RBFOX1: variants seen among roughly 807,000 people sequenced by gnomAD.
RBFOX1 encodes RNA binding protein fox-1 homolog 1.
RBFOX1 carries 8 observed loss-of-function variants against 57.7 expected under a neutral mutation model. The ratio of observed to expected loss-of-function variants is 0.14; its 90% CI spans 0.08 to 0.25. The LOEUF (loss-of-function observed/expected upper bound fraction) is 0.25, where lower values mean the gene tolerates loss of function less well. Among genes scored for constraint, RBFOX1 ranks in the 10% least tolerant of loss-of-function variants. The probability of loss-of-function intolerance (pLI) is 1.00; values close to 1 mark genes in which losing one functional copy is unlikely to be tolerated. For missense variants in RBFOX1, 611 were observed against 548.5 expected (o/e 1.11, Z -1.14); for synonymous variants, 326 against 222.4 (o/e 1.47, Z -4.15).
chr16:6,137,606 ATTTTTT>A (rs57190040), intron 1 of RBFOX1, among the ~76,000 whole-genome samples: 74 of 98,352 alleles, frequency 7.5e-4, no homozygotes, highest in Admixed American at 9.1e-4. Flanking sequence ...GCGCCTGGTC[ATTTTTT>A]TTTTTTTTTT....
chr16:6,789,472 TATTTTAGAGAGAAGCAGTC>T (rs1337423706), intron 3 of RBFOX1, among the ~76,000 whole-genome samples: 9 of 152,124 alleles, frequency 5.9e-5, no homozygotes, highest in African/African-American at 1.9e-4. Context: ...GTCAAGTTGG[TATTTTAGAGAGAAGCAGTC>T]ATTTCATTCT....
At chr16:6,377,085 C>G (rs1476268479) in intron 2 of RBFOX1, among the ~76,000 whole-genome samples, 2 of 151,574 alleles carry the variant, frequency 1.3e-5, no homozygotes, top group Admixed American at 6.6e-5. Flanking sequence ...CCAGCCTGGG[C>G]AACATGGAAA....
At chr16:6,243,137 C>CATGTGTGTGT (rs1555572839) in intron 1 of RBFOX1, among the ~76,000 whole-genome samples, 1 of 150,440 alleles carries the variant, frequency 6.6e-6, no homozygotes, top group African/African-American at 2.5e-5. Context: ...GATATTTATA[C>CATGTGTGTGT]GTGTGTCTGT....
chr16:7,318,661 G>A (rs968720647), intron 4 of RBFOX1, among the ~76,000 whole-genome samples: 7 of 152,194 alleles, frequency 4.6e-5, no homozygotes, highest in African/African-American at 1.2e-4. Context: ...TAAAGTGTCA[G>A]TGCAGAATAC....
intron 4 of RBFOX1, among the ~76,000 whole-genome samples, chr16:5,918,453 T>C (rs1364384275): frequency 2.0e-5 from 3 of 152,186 alleles, no homozygotes; most frequent in African/African-American, 7.2e-5. Flanking sequence ...CCGGTGTGTG[T>C]GCAACTTGAC....
At chr16:7,184,696 G>C (rs962085253) in intron 4 of RBFOX1, among the ~76,000 whole-genome samples, 29 of 152,144 alleles carry the variant, frequency 1.9e-4, no homozygotes, top group Non-Finnish European at 4.4e-5. Flanking sequence ...CTGATTATGA[G>C]CTCTTGTGAA....
intron 1 of RBFOX1, among the ~76,000 whole-genome samples, chr16:6,183,770 A>T (rs2097085811): frequency 6.6e-6 from 1 of 152,038 alleles, no homozygotes; most frequent in African/African-American, 2.4e-5. Context: ...GGTAGGGGAG[A>T]AAAAGAGACA....
At chr16:6,020,747 C>G (rs910456746) in intron 1 of RBFOX1, among the ~76,000 whole-genome samples, 12 of 152,224 alleles carry the variant, frequency 7.9e-5, no homozygotes, top group African/African-American at 2.9e-4. Context: ...GCTATGGAAG[C>G]GAGGGCGGGG....
At chr16:5,690,671 T>C (rs2151458537) in intron 3 of RBFOX1, among the ~76,000 whole-genome samples, 1 of 152,264 alleles carries the variant, frequency 6.6e-6, no homozygotes, top group Non-Finnish European at 1.5e-5. Context: ...ATTTAGTACA[T>C]GACTGACATT....
chr16:6,326,929 C>T (rs2082438740), intron 2 of RBFOX1, among the ~76,000 whole-genome samples: 1 of 152,170 alleles, frequency 6.6e-6, no homozygotes, highest in African/African-American at 2.4e-5. Context: ...GGCTCTCTCA[C>T]CTGGAGGCTG....
At chr16:6,155,603 C>G (rs1368590446) in intron 1 of RBFOX1, among the ~76,000 whole-genome samples, 2 of 152,136 alleles carry the variant, frequency 1.3e-5, no homozygotes, top group African/African-American at 2.4e-5. Context: ...GCGCAGTGGC[C>G]TATGTAAATG....
Position 7,478,317 on chromosome 16 carries a change from G to A in RBFOX1, c.28-39830G>A, listed in dbSNP as rs1249570942. ...AGTCACCTTGTTCAAATAGCTAAAAGGGATAGCAAGAGGAAGATAGACTTT... is the reference window on the plus strand; with the variant it reads ...AGTCACCTTGTTCAAATAGCTAAAAAGGATAGCAAGAGGAAGATAGACTTT... On this transcript the variant is annotated intron_variant, in intron 4 of 15. Transcript: ENST00000550418. Among the ~76,000 whole-genome samples the A allele has an allele frequency of 2.0e-5, 3 of 152,154 alleles. No individual in the cohort carries two copies. In the East Asian group the frequency reaches 5.8e-4, roughly 29 times the overall value.
At chr16:6,977,045 CAT>C (rs1274522935) in intron 3 of RBFOX1, among the ~76,000 whole-genome samples, 3 of 134,674 alleles carry the variant, frequency 2.2e-5, no homozygotes, top group Non-Finnish European at 4.8e-5. Context: ...TCATATATAT[CAT>C]ATATCATGTA....
At chr16:7,462,182 A>G (rs191873655) in intron 4 of RBFOX1, among the ~76,000 whole-genome samples, 91 of 152,366 alleles carry the variant, frequency 6.0e-4, no homozygotes, top group African/African-American at 2.1e-3. Flanking sequence ...AGCGGGTCAC[A>G]AAGAGAGTTT....
At chr16:6,793,362 A>T (rs893094545) in intron 3 of RBFOX1, among the ~76,000 whole-genome samples, 2 of 152,110 alleles carry the variant, frequency 1.3e-5, no homozygotes, top group African/African-American at 4.8e-5. Context: ...ATTTTCTTCC[A>T]TTGAGATTGA....
intron 1 of RBFOX1, among the ~76,000 whole-genome samples, chr16:5,241,355 G>C (rs1479580590): frequency 6.6e-6 from 1 of 152,190 alleles, no homozygotes; most frequent in East Asian, 1.9e-4. Flanking sequence ...ATCACGGAAA[G>C]GATGAGACAC....
At chr16:6,555,848 C>T (rs1056170619) in intron 2 of RBFOX1, among the ~76,000 whole-genome samples, 2 of 152,168 alleles carry the variant, frequency 1.3e-5, no homozygotes, top group African/African-American at 2.4e-5. Context: ...ATGAAATGCA[C>T]GTGACTAGCA....
intron 1 of RBFOX1, among the ~76,000 whole-genome samples, chr16:5,392,915 A>C (rs2066453282): frequency 6.6e-6 from 1 of 152,158 alleles, no homozygotes; most frequent in Non-Finnish European, 1.5e-5. Flanking sequence ...CTCATTTTGC[A>C]ACACATGGGT....
intron 1 of RBFOX1, among the ~76,000 whole-genome samples, chr16:6,143,067 A>C (rs577774335): frequency 3.9e-5 from 6 of 152,334 alleles, no homozygotes; most frequent in African/African-American, 1.4e-4. Flanking sequence ...TCATGAAATA[A>C]ATATTTGGGA....
Sources: gnomAD v4.1 joint callset for allele counts (sites outside exome capture counted in the v4.1 genomes callset) on GRCh38, gnomAD v4.1.1 for gene constraint, MANE v1.5 for transcripts, NCBI Gene and HGNC (gene_info 2026-07-23, HGNC 2026-07-21) for gene names.